The following TMEM144 variants were observed in gnomAD, a reference collection of about 807,000 sequenced individuals.
TMEM144 encodes transmembrane protein 144.
TMEM144 carries 39 observed loss-of-function variants against 43.6 expected under a neutral mutation model. The ratio of observed to expected loss-of-function variants is 0.90; its 90% CI spans 0.69 to 1.17. The LOEUF is 1.17. Among genes scored for constraint, TMEM144 ranks in the 50% most tolerant of loss-of-function variants. The pLI is 0.00. For missense variants in TMEM144, 417 were observed against 411.9 expected (o/e 1.01, Z -0.11); for synonymous variants, 154 against 133.6 (o/e 1.15, Z -1.06).
At chr4:158,247,535 G>A (rs1394187662) in intron 12 of TMEM144, among the ~76,000 whole-genome samples, 2 of 152,004 alleles carry the variant, frequency 1.3e-5, no homozygotes, top group Non-Finnish European at 2.9e-5. Context: ...CATCCAATAA[G>A]ATCATTTAGT....
Position 158,247,242 on chromosome 4 carries a change from A to T in TMEM144, c.954+2893A>T, listed in dbSNP as rs145504727. ...TTTAGTGGTACAGTATGTCTATCAA[A>T]ACAAAATAGCAATTATATACCTGAG... On this transcript the variant is annotated intron_variant, in intron 12 of 12. Coordinates refer to ENST00000296529, the MANE Select transcript of TMEM144 (RefSeq NM_018342.5). 1.3e-3 allele frequency among the ~76,000 whole-genome samples: 196 copies of T among 152,126 alleles called. 1 individual carries two copies. Among genetic ancestry groups the T allele is most frequent in the African/African-American group, 4.3e-3 (179 of 41,574 alleles).
Position 158,217,513 on chromosome 4 carries a change from A to C in TMEM144, c.332+93A>C. ...CCGAGAGGAATAACATATGATTCTT[A>C]TTCTCACAGAGTTTATAGCTGGTAA... On this transcript the variant is annotated intron_variant, in intron 5 of 12. Coordinates refer to ENST00000296529, the MANE Select transcript of TMEM144 (RefSeq NM_018342.5). The C allele has an allele frequency of 3.3e-6, 3 of 899,888 alleles. No individual in the cohort carries two copies. The South Asian group carries it at 4.5e-5, about 13-fold the overall frequency. The allele number at this position is 899,888 out of a possible 1,614,324, so 55.7% of individuals were successfully genotyped here.
At chr4:158,212,992 G>T in intron 3 of TMEM144, 2 of 573,222 alleles carry the variant, frequency 3.5e-6, no homozygotes, top group Non-Finnish European at 6.2e-6. Flanking sequence ...AGTTAGGGAG[G>T]GTACAGTCAG....
chr4:158,236,885 A>G (rs1012230423), intron 8 of TMEM144, among the ~76,000 whole-genome samples: 2 of 152,100 alleles, frequency 1.3e-5, no homozygotes, highest in African/African-American at 2.4e-5. Flanking sequence ...TGCTTGCTTC[A>G]TGCAGATATG....
At chr4:158,234,117 A>G (rs1247376558) in intron 7 of TMEM144, 1 of 152,266 alleles carries the variant, frequency 6.6e-6, no homozygotes, top group African/African-American at 2.4e-5. Context: ...ACCATGCATC[A>G]TGAGCTCCTT....
chr4:158,240,540 T>TTGTGTG (rs141564444), intron 10 of TMEM144, 122 bp downstream of exon 10: 1 of 985,936 alleles, frequency 1.0e-6, no homozygotes, highest in African/African-American at 1.7e-5. Context: ...TGTGTGTGTG[T>TTGTGTG]TGTGTGTGTG....
chr4:158,236,386 C>T (rs1048354928), intron 8 of TMEM144, among the ~76,000 whole-genome samples: 1 of 151,898 alleles, frequency 6.6e-6, no homozygotes, highest in African/African-American at 2.4e-5. Context: ...TTTTTTTTCA[C>T]AAAGCCTCCC....
chr4:158,237,388 TCA>T (rs149244852), intron 8 of TMEM144, 135 bp from the exon 9 acceptor site: 9,557 of 673,498 alleles, frequency 0.014, 301 homozygotes, highest in African/African-American at 0.083. Context: ...CTTCCGCCAG[TCA>T]CAGAGCTTGA....
chr4:158,247,405 A>G lies in TMEM144; in HGVS notation c.954+3056A>G, dbSNP rs113988440. Among the ~76,000 whole-genome samples, 855 of 152,190 alleles carry G rather than the reference A, an allele frequency of 5.6e-3. 11 individuals carry two copies. Among genetic ancestry groups the G allele is most frequent in the African/African-American group, 0.02 (820 of 41,572 alleles). ...AATGAATAAATATAGGAAAAGAAAT[A>G]AGAAAATTATAATTTGCAGATTACA... On this transcript the variant is annotated intron_variant, in intron 12 of 12. Coordinates refer to ENST00000296529, the MANE Select transcript of TMEM144 (RefSeq NM_018342.5).
rs192207105 is a variant in TMEM144, at chr4:158,253,604, A to G, written c.*77A>G. On this transcript the variant is annotated 3_prime_UTR_variant, in exon 13 of 13. Transcript: ENST00000296529. ...GACAGCGGAGAGATCATGCTGAGAA[A>G]AGAGTGCATTTTCATATAGCAAATG... is the stretch of plus-strand genomic sequence containing the variant. 925 of 1,242,990 alleles carry G rather than the reference A, an allele frequency of 7.4e-4. 3 individuals carry two copies. In the African/African-American group the frequency reaches 0.011, roughly 15 times the overall value. 77.0% of individuals were successfully genotyped at this position (1,242,990 alleles called of 1,614,324 possible). A position where few individuals can be genotyped will look rare whatever the true frequency, so the allele number is the denominator to read the frequency against.
intron 12 of TMEM144, among the ~76,000 whole-genome samples, chr4:158,252,664 TG>T (rs1425202166): frequency 2.0e-5 from 3 of 151,858 alleles, no homozygotes; most frequent in African/African-American, 7.3e-5. Flanking sequence ...AAAAATTCAC[TG>T]GGCTTGGTGA....
chr4:158,229,140 T>C (rs142857767), intron 6 of TMEM144, among the ~76,000 whole-genome samples: 414 of 152,220 alleles, frequency 2.7e-3, no homozygotes, highest in African/African-American at 9.6e-3. Context: ...TTCCTTGGTT[T>C]TGGGTCTGGT....
rs139328370 is a variant in TMEM144 at position 158,225,451 on chromosome 4, A to G, written c.413+6061A>G. On this transcript the variant is annotated intron_variant, in intron 6 of 12. Transcript: ENST00000296529. ...TTTATTAACTGTCACCCACTAAAAT[A>G]TTGACTTAAATCCTGTAGCTATTTG... Among the ~76,000 whole-genome samples, 775 of 152,336 alleles carry G rather than the reference A, an allele frequency of 5.1e-3. 3 individuals carry two copies. The highest frequency in any genetic ancestry group is 0.018 in the African/African-American group (730 of 41,562).
chr4:158,237,653 A>G lies in TMEM144; in HGVS notation c.682+10A>G. ...GGGGCAAGCCAATATGGTGAGAATA[A>G]AAAGTTATCTTACTTTATTAATATC... On this transcript the variant is annotated intron_variant, in intron 9 of 12. Coordinates refer to ENST00000296529, the MANE Select transcript of TMEM144 (RefSeq NM_018342.5). The G allele has an allele frequency of 3.9e-6, 6 of 1,546,204 alleles. No individual in the cohort carries two copies. The highest frequency in any genetic ancestry group is 5.3e-6 in the Non-Finnish European group (6 of 1,125,076).
At chr4:158,251,290 C>T (rs1376781825) in intron 12 of TMEM144, among the ~76,000 whole-genome samples, 2 of 152,144 alleles carry the variant, frequency 1.3e-5, no homozygotes, top group Non-Finnish European at 2.9e-5. Flanking sequence ...CCCTTGGGAC[C>T]CTTAGACCAG....
intron 7 of TMEM144, chr4:158,234,592 C>T (rs755323317): frequency 3.9e-5 from 6 of 152,044 alleles, no homozygotes; most frequent in Non-Finnish European, 8.8e-5. Flanking sequence ...AATATACCCC[C>T]CTTATCCACA....
intron 6 of TMEM144, among the ~76,000 whole-genome samples, chr4:158,229,711 C>T (rs1353142830): frequency 6.6e-6 from 1 of 152,154 alleles, no homozygotes; most frequent in Non-Finnish European, 1.5e-5. Flanking sequence ...GGAGTTCCTG[C>T]AGGGAGGCCC....
At chr4:158,222,415 A>G (rs1734553312) in intron 6 of TMEM144, among the ~76,000 whole-genome samples, 1 of 152,172 alleles carries the variant, frequency 6.6e-6, no homozygotes, top group Non-Finnish European at 1.5e-5. Context: ...ACCACACTCC[A>G]GACATCTCCC....
chr4:158,212,709 C>A lies in TMEM144; in HGVS notation c.42C>A (p.Ser14=). ...CAGACCTAACCTTTGGTTACATCTC[C>A]TGTTTTGTAGCTATCCTTTTGTTTG... ...NGADLTFGYI[S]CFVAILLFGS... Residue 14 remains serine, a synonymous_variant, in exon 3 of 13, where the codon TCC becomes TCA. Coordinates refer to ENST00000296529, the MANE Select transcript of TMEM144 (RefSeq NM_018342.5). The A allele has an allele frequency of 6.2e-7, 1 of 1,613,828 alleles. No homozygotes were observed.
Sources: gnomAD v4.1 joint callset for allele counts (sites outside exome capture counted in the v4.1 genomes callset) on GRCh38, gnomAD v4.1.1 for gene constraint, MANE v1.5 for transcripts, NCBI Gene and HGNC (gene_info 2026-07-23, HGNC 2026-07-21) for gene names.